AGL: variants seen among roughly 807,000 people sequenced by gnomAD.
AGL encodes glycogen debranching enzyme.
AGL carries 128 observed loss-of-function variants against 199.3 expected under a neutral mutation model. The observed-to-expected ratio is 0.64, with a 90% CI of 0.56 to 0.74. The LOEUF is 0.74. AGL is among the 30% of genes least tolerant of loss of function. The probability of loss-of-function intolerance (pLI) is 0.00; values close to 1 mark genes in which losing one functional copy is unlikely to be tolerated. For missense variants in AGL, 1,809 were observed against 1,820.8 expected, an observed-to-expected ratio of 0.99 and a Z score of 0.12; for synonymous variants, 584 against 594.7, an observed-to-expected ratio of 0.98 and a Z score of 0.26.
rs1652268984 is a variant in AGL, at chr1:99,884,216, T to C, written c.2405T>C (p.Ile802Thr). The C allele has an allele frequency of 6.2e-7, 1 of 1,613,334 alleles. No homozygotes were observed. The highest frequency in any genetic ancestry group is 2.2e-5 in the East Asian group (1 of 44,764). ...DENSINGTPD[I>T]TVEIREHIQL... ...AATTCAATCAATGGAACACCAGATATCACAGTAGAAATTAGAGAACATATT... is the reference window on the plus strand; with the variant it reads ...AATTCAATCAATGGAACACCAGATACCACAGTAGAAATTAGAGAACATATT... The change falls in exon 18 of 34, where the codon ATC becomes ACC. Residue 802 changes from isoleucine to threonine, a missense_variant. Physicochemically the swap from Ile to Thr is moderately conservative, Grantham distance 89. Coordinates refer to ENST00000361915, the MANE Select transcript of AGL (RefSeq NM_000642.3).
Position 99,861,510 on chromosome 1 carries a change from G to C in AGL, c.90G>C (p.Glu30Asp). The change falls in exon 3 of 34, where the codon GAG becomes GAC. Residue 30 changes from glutamate (E) to aspartate (D), a missense_variant. Glu to Asp is a conservative substitution (Grantham distance 45). Transcript: ENST00000361915. ...CATGTGCTTTTTATTTAGGGTATGAGCTACAGTTCCGATTAGGCCCAACTT... is the reference window on the plus strand; with the variant it reads ...CATGTGCTTTTTATTTAGGGTATGACCTACAGTTCCGATTAGGCCCAACTT... ...KTLFRLEQGY[E>D]LQFRLGPTLQ... 1 of 1,613,890 alleles carries C rather than the reference G, an allele frequency of 6.2e-7. No homozygotes were observed. The highest frequency in any genetic ancestry group is 8.5e-7 in the Non-Finnish European group (1 of 1,179,858).
At chr1:99,901,505 C>T (rs533042791) in intron 26 of AGL, among the ~76,000 whole-genome samples, 3 of 150,676 alleles carry the variant, frequency 2.0e-5, no homozygotes, top group South Asian at 2.1e-4. Context: ...TTATAAAATA[C>T]GTTTTGTGAA....
chr1:99,864,537 A>T lies in AGL; in HGVS notation c.612A>T (p.Leu204Phe). 1 of 1,613,890 alleles carries T rather than the reference A, an allele frequency of 6.2e-7. No homozygotes were observed. The highest frequency in any genetic ancestry group is 8.5e-7 in the Non-Finnish European group (1 of 1,179,858). ...ATGTTGGACAGCTAGTGGAAAAATTAAAAAAGGAATGGAATGTTATTTGTA... is the reference window on the plus strand; with the variant it reads ...ATGTTGGACAGCTAGTGGAAAAATTTAAAAAGGAATGGAATGTTATTTGTA... ...WNDVGQLVEK[L>F]KKEWNVICIT... The change falls in exon 5 of 34, where the codon TTA becomes TTT. Residue 204 changes from leucine to phenylalanine, a missense_variant. Leu to Phe is a conservative substitution (Grantham distance 22). Coordinates refer to ENST00000361915, the MANE Select transcript of AGL (RefSeq NM_000642.3).
intron 26 of AGL, 84 bp downstream of exon 26, chr1:99,900,945 T>C (rs1255238983): frequency 4.1e-6 from 5 of 1,205,430 alleles, no homozygotes; most frequent in Non-Finnish European, 6.0e-6. Context: ...AAAATAAGGG[T>C]AATTAAGAAT....
chr1:99,875,111 A>G, intron 8 of AGL, 43 bp from the exon 9 acceptor site: 1 of 1,529,328 alleles, frequency 6.5e-7, no homozygotes, highest in Non-Finnish European at 9.0e-7. Context: ...TAGAATCTGT[A>G]AAGCCATTAA....
rs189119553 is a variant in AGL, at chr1:99,892,308, T to C, written c.3084-124T>C. On this transcript the variant is annotated intron_variant, in intron 23 of 33. Transcript: ENST00000361915. ...AATCTAACCAAAGTTTTAAAAATGT[T>C]AAGTAATATTACTATTGTTATAGAT... 1,748 of 887,158 alleles carry C rather than the reference T, an allele frequency of 2.0e-3. 1 individual carries two copies. The highest frequency in any genetic ancestry group is 2.6e-3 in the Non-Finnish European group (1,501 of 575,742). The allele number at this position is 887,158 out of a possible 1,614,324, so 55.0% of individuals were successfully genotyped here.
chr1:99,859,703 C>T (rs956679581), intron 2 of AGL, among the ~76,000 whole-genome samples: 3 of 152,094 alleles, frequency 2.0e-5, no homozygotes, highest in African/African-American at 7.2e-5. Flanking sequence ...CACCACCACA[C>T]CCAGCTATTT....
chr1:99,862,269 T>A lies in AGL; in HGVS notation c.306T>A (p.Ser102Arg). The part of the protein sequence containing the change: ...QYYFLQGNEK[S>R]GGGYIVVDPI... ...TTTTTTCCCTTAGAAATGAGAAAAG[T>A]GGTGGAGGTTACATAGTTGTGGACC... Residue 102 changes from serine to arginine, a missense_variant, in exon 4 of 34, where the codon AGT becomes AGA. By Grantham distance (110) the Ser-to-Arg change is moderately radical (BLOSUM62 -1). Transcript: ENST00000361915. 6.2e-7 allele frequency: 1 copy of A among 1,613,946 alleles called. No homozygotes were observed. The highest frequency in any genetic ancestry group is 8.5e-7 in the Non-Finnish European group (1 of 1,179,970).
intron 28 of AGL, among the ~76,000 whole-genome samples, chr1:99,911,464 A>G (rs531775584): frequency 1.3e-5 from 2 of 152,072 alleles, no homozygotes; most frequent in Admixed American, 6.5e-5. Context: ...TTTTTGAAAG[A>G]GAGAGCCTCA....
chr1:99,903,728 T>C (rs1320078239), intron 27 of AGL, among the ~76,000 whole-genome samples: 1 of 152,220 alleles, frequency 6.6e-6, no homozygotes, highest in African/African-American at 2.4e-5. Flanking sequence ...TCCACAATGG[T>C]TGAACTAGTT....
In AGL at chr1:99,870,861, T is replaced by G; in HGVS notation, c.950T>G (p.Leu317Arg). Residue 317 changes from leucine (L) to arginine (R), a missense_variant, in exon 7 of 34, where the codon CTT becomes CGT. By Grantham distance (102) the Leu-to-Arg change is moderately radical (BLOSUM62 -2). Coordinates refer to ENST00000361915, the MANE Select transcript of AGL (RefSeq NM_000642.3). ...NKAVEQFRRL[L>R]TQENRRVTKS... ...GCGGTTGAGCAATTTAGAAGACTTCTTACACAAGGTAAAGGATACATACTA... is the reference window on the plus strand; with the variant it reads ...GCGGTTGAGCAATTTAGAAGACTTCGTACACAAGGTAAAGGATACATACTA... 1 of 1,576,012 alleles carries G rather than the reference T, an allele frequency of 6.3e-7. No individual in the cohort carries two copies. Among genetic ancestry groups the G allele is most frequent in the Non-Finnish European group, 8.7e-7 (1 of 1,145,860 alleles).
chr1:99,881,503 G>A, intron 16 of AGL, 38 bp from the exon 17 acceptor site: 1 of 1,613,982 alleles, frequency 6.2e-7, no homozygotes, highest in South Asian at 1.1e-5. Context: ...AGTCTTTCCA[G>A]TTTGAGAGCT....
chr1:99,874,517 A>ACACGTGCACG, intron 7 of AGL, 170 bp from the exon 8 acceptor site: 1 of 649,546 alleles, frequency 1.5e-6, no homozygotes, highest in South Asian at 1.9e-5. Context: ...GCACGTGCAC[A>ACACGTGCACG]CACGTGCACA....
chr1:99,881,407 G>C lies in AGL; in HGVS notation c.2117G>C (p.Ser706Thr). The C allele has an allele frequency of 6.2e-7, 1 of 1,614,124 alleles. No homozygotes were observed. The highest frequency in any genetic ancestry group is 1.1e-5 in the South Asian group (1 of 91,086). ...SGIIAARCAI[S>T]KLHQELGAKG... ...ATTATTGCAGCCAGGTGTGCTATCA[G>C]TAAACTTCATCAGGAGCTTGGAGCC... is the stretch of plus-strand genomic sequence containing the variant. Residue 706 changes from serine to threonine, a missense_variant, in exon 16 of 34, where the codon AGT (serine) becomes ACT (threonine). Physicochemically the swap from Ser to Thr is moderately conservative, Grantham distance 58 (BLOSUM62 1). Transcript: ENST00000361915.
intron 11 of AGL, among the ~76,000 whole-genome samples, chr1:99,876,889 A>G (rs752311963): frequency 6.6e-6 from 1 of 152,178 alleles, no homozygotes; most frequent in Non-Finnish European, 1.5e-5. Context: ...TTTGGACAAA[A>G]TATTATTGCA....
chr1:99,890,854 T>C (rs1406837129), intron 21 of AGL, among the ~76,000 whole-genome samples: 1 of 152,118 alleles, frequency 6.6e-6, no homozygotes. Context: ...AAATACAGGC[T>C]TATTACTTTT....
intron 24 of AGL, among the ~76,000 whole-genome samples, chr1:99,893,371 A>T (rs879489524): frequency 1.3e-5 from 2 of 152,230 alleles, no homozygotes; most frequent in Non-Finnish European, 2.9e-5. Context: ...TCCATTAAAA[A>T]TGTTCATGAA....
At chr1:99,870,375 C>A in intron 5 of AGL, 25 bp from the exon 6 acceptor site, 1 of 1,603,652 alleles carries the variant, frequency 6.2e-7, no homozygotes, top group South Asian at 1.1e-5. Context: ...ATGAGATACT[C>A]CTTTGTGTCT....
At position 99,881,601 on chromosome 1, in the gene AGL, C is replaced by CGAT; in HGVS notation, c.2218_2219insGAT (p.His740delinsArgTyr). 6.2e-7 allele frequency: 1 copy of CGAT among 1,614,042 alleles called. No individual in the cohort carries two copies. Among genetic ancestry groups the CGAT allele is most frequent in the Non-Finnish European group, 8.5e-7 (1 of 1,179,980 alleles). On this transcript the variant is annotated protein_altering_variant, in exon 17 of 34. Coordinates refer to ENST00000361915, the MANE Select transcript of AGL (RefSeq NM_000642.3). ...AGTAACAAGACACTCACCTAGCATC[C>CGAT]ATCAGTCTGTTGTGGCTGTATCTAG... is the stretch of plus-strand genomic sequence containing the variant.
Sources: allele counts gnomAD v4.1 joint callset (sites outside exome capture counted in the v4.1 genomes callset), GRCh38; gene constraint gnomAD v4.1.1; transcripts MANE v1.5; gene names NCBI Gene and HGNC (gene_info 2026-07-23, HGNC 2026-07-21).